Variants in SPINK1 observed in about 807,000 individuals in gnomAD.
SPINK1 encodes the protein serine protease inhibitor Kazal-type 1.
A neutral mutation model predicts 9.5 loss-of-function variants in SPINK1; 5 were observed. The observed-to-expected ratio is 0.52, with a 90% CI of 0.27 to 1.10. The LOEUF (loss-of-function observed/expected upper bound fraction) is 1.10, where lower values mean the gene tolerates loss of function less well. Among genes scored for constraint, SPINK1 ranks in the 50% least tolerant of loss-of-function variants. SPINK1 has a pLI of 0.11. For missense variants in SPINK1, 88 were observed against 92.7 expected (o/e 0.95, Z 0.21); for synonymous variants, 37 against 32.3 (o/e 1.14, Z -0.49).
chr5:147,839,131 T>TA, the SPINK1 span, among the ~76,000 whole-genome samples: 1 of 152,182 alleles, frequency 6.6e-6, no homozygotes, highest in East Asian at 1.9e-4. Flanking sequence ...TCAGGAAACT[T>TA]ACAATCATGG....
rs186619464 is a variant in SPINK1, at chr5:147,826,763, T to G, written c.194+1259A>C. On this transcript the variant is annotated intron_variant, in intron 3 of 3. Coordinates refer to ENST00000296695, the MANE Select transcript of SPINK1 (RefSeq NM_001379610.1). Reference sequence around the variant, plus strand: ...TTTTGGGTCTAAAACTTCAGGATATTAGACCTCTCATCCAGAGGTCCTATT... The same window carrying G: ...TTTTGGGTCTAAAACTTCAGGATATGAGACCTCTCATCCAGAGGTCCTATT... 2.0e-4 allele frequency among the ~76,000 whole-genome samples: 30 copies of G among 152,336 alleles called. No homozygotes were observed. In the East Asian group the frequency reaches 4.4e-3, roughly 23 times the overall value.
chr5:147,836,306 G>GTGTGTGT (rs1490417985), upstream of SPINK1, among the ~76,000 whole-genome samples: 246 of 150,460 alleles, frequency 1.6e-3, 3 homozygotes, highest in African/African-American at 5.5e-3. Context: ...TTGTGTGTGT[G>GTGTGTGT]TGTGTGTGTG....
upstream of SPINK1, among the ~76,000 whole-genome samples, chr5:147,835,252 A>T (rs1200593698): frequency 1.3e-5 from 2 of 152,182 alleles, no homozygotes; most frequent in Non-Finnish European, 2.9e-5. Flanking sequence ...TGGTGTGAGA[A>T]TAAACCAAGA....
chr5:147,831,684 C>G (rs1756512143), upstream of SPINK1: 1 of 1,557,386 alleles, frequency 6.4e-7, no homozygotes, highest in African/African-American at 1.4e-5. Flanking sequence ...CAGCAAGGCC[C>G]CACCTACTGG....
At chr5:147,832,581 G>A (rs566005714), upstream of SPINK1, among the ~76,000 whole-genome samples, 11 of 152,222 alleles carry the variant, frequency 7.2e-5, no homozygotes, top group African/African-American at 1.9e-4. Context: ...AAAAGATTTC[G>A]GGTTTTTAAA....
chr5:147,837,238 C>T, the SPINK1 span, among the ~76,000 whole-genome samples: 2 of 152,158 alleles, frequency 1.3e-5, no homozygotes, highest in Non-Finnish European at 1.5e-5. Context: ...TTCTGCAAAA[C>T]GTATCATGTA....
At chr5:147,830,344 T>C (rs749331115) in intron 1 of SPINK1, among the ~76,000 whole-genome samples, 6 of 152,202 alleles carry the variant, frequency 3.9e-5, no homozygotes, top group Non-Finnish European at 7.3e-5. Flanking sequence ...TAGGAAATGA[T>C]AACTGTGGAT....
chr5:147,830,283 T>G (rs944016787), intron 1 of SPINK1, among the ~76,000 whole-genome samples: 5 of 152,176 alleles, frequency 3.3e-5, no homozygotes, highest in Admixed American at 2.6e-4. Flanking sequence ...GTAGTCAAAA[T>G]AGCTAATCTC....
chr5:147,831,646 G>A lies in SPINK1; in HGVS notation c.-69C>T. 2 of 1,598,960 alleles carry A rather than the reference G, an allele frequency of 1.3e-6. No individual in the cohort carries two copies. Among genetic ancestry groups the A allele is most frequent in the Non-Finnish European group, 1.7e-6 (2 of 1,174,002 alleles). ...ACTTACCACGTCTCTTCAGAAGCCT[G>A]GGACTGGAAGGGTCATATGGCAGAT... is the stretch of plus-strand genomic sequence containing the variant. On this transcript the variant is annotated 5_prime_UTR_variant, in exon 1 of 4. Coordinates refer to ENST00000296695, the MANE Select transcript of SPINK1 (RefSeq NM_001379610.1).
the SPINK1 span, among the ~76,000 whole-genome samples, chr5:147,838,743 T>C: frequency 6.6e-6 from 1 of 152,188 alleles, no homozygotes; most frequent in Admixed American, 6.5e-5. Context: ...GTCTTGTTCT[T>C]TGCTTTTCCA....
intron 3 of SPINK1, among the ~76,000 whole-genome samples, chr5:147,825,468 G>T (rs1202214685): frequency 6.9e-6 from 1 of 144,696 alleles, no homozygotes; most frequent in Non-Finnish European, 1.5e-5. Flanking sequence ...TTAAGACAGA[G>T]TCTCACTCTG....
chr5:147,835,087 G>A (rs1756574169), upstream of SPINK1, among the ~76,000 whole-genome samples: 1 of 151,846 alleles, frequency 6.6e-6, no homozygotes, highest in Admixed American at 6.6e-5. Flanking sequence ...TTTGTGATAG[G>A]GAATGGCCCT....
At chr5:147,826,733 TAA>T (rs1756410938) in intron 3 of SPINK1, among the ~76,000 whole-genome samples, 4 of 152,184 alleles carry the variant, frequency 2.6e-5, no homozygotes, top group Admixed American at 2.0e-4. Flanking sequence ...GTAGAATACC[TAA>T]TGTTTTGGGT....
chr5:147,826,392 A>G (rs1350095710), intron 3 of SPINK1, among the ~76,000 whole-genome samples: 2 of 152,218 alleles, frequency 1.3e-5, no homozygotes, highest in African/African-American at 4.8e-5. Context: ...ATAGGAAGAG[A>G]GGTCATGTTT....
chr5:147,834,637 T>C (rs941622958), upstream of SPINK1, among the ~76,000 whole-genome samples: 1 of 152,116 alleles, frequency 6.6e-6, no homozygotes, highest in African/African-American at 2.4e-5. Context: ...AGGATTTTTT[T>C]CTTGGGTCTC....
At chr5:147,825,606 T>C (rs1000084116) in intron 3 of SPINK1, among the ~76,000 whole-genome samples, 2 of 151,958 alleles carry the variant, frequency 1.3e-5, no homozygotes, top group African/African-American at 4.8e-5. Flanking sequence ...CATGCCTGGC[T>C]AATATTTGTA....
the SPINK1 span, among the ~76,000 whole-genome samples, chr5:147,837,713 C>A: frequency 3.3e-5 from 4 of 120,488 alleles, no homozygotes; most frequent in East Asian, 9.6e-4. Flanking sequence ...TTCTTTCTTT[C>A]TTTTTTGGGA....
chr5:147,834,441 G>T (rs113001459), upstream of SPINK1, among the ~76,000 whole-genome samples: 213 of 152,214 alleles, frequency 1.4e-3, no homozygotes, highest in African/African-American at 4.9e-3. Context: ...TAGGGAAATG[G>T]ATATGATGTC....
At chr5:147,837,921 C>T in the SPINK1 span, among the ~76,000 whole-genome samples, 3 of 151,840 alleles carry the variant, frequency 2.0e-5, no homozygotes, top group South Asian at 2.1e-4. Flanking sequence ...AGGCTGGTCT[C>T]GAACTCCTGA....
Sources: gnomAD v4.1 joint callset for allele counts (sites outside exome capture counted in the v4.1 genomes callset) on GRCh38, gnomAD v4.1.1 for gene constraint, MANE v1.5 for transcripts, NCBI Gene and HGNC (gene_info 2026-07-23, HGNC 2026-07-21) for gene names.